The following MESP1 variants were observed in gnomAD, a reference collection of about 807,000 sequenced individuals.
MESP1 encodes the protein mesoderm posterior bHLH transcription factor 1, also known as mesoderm posterior protein 1.
Under a neutral mutation model 15.2 loss-of-function variants are expected in MESP1, and 22 were observed. The observed-to-expected ratio is 1.45, with a 90% CI of 1.04 to 2.07. The LOEUF (loss-of-function observed/expected upper bound fraction) is 2.07. MESP1 is among the 30% of genes most tolerant of loss of function. The pLI, the probability that MESP1 is intolerant of heterozygous loss-of-function variation, is 0.00. For missense variants in MESP1, 484 were observed against 411.9 expected (o/e 1.17, Z -1.51); for synonymous variants, 216 against 192.6 (o/e 1.12, Z -1.01).
the MESP1 span, among the ~76,000 whole-genome samples, chr15:89,739,227 G>A: frequency 3.7e-4 from 57 of 152,072 alleles, no homozygotes; most frequent in Non-Finnish European, 7.2e-4. Flanking sequence ...TTGTAAATAA[G>A]GTTTTATTTG....
At chr15:89,733,019 G>T in the MESP1 span, 21 of 1,614,054 alleles carry the variant, frequency 1.3e-5, no homozygotes, top group Non-Finnish European at 1.8e-5. Context: ...TCCCTCTTGG[G>T]GTCGCTGCTC....
At chr15:89,739,521 G>A in the MESP1 span, among the ~76,000 whole-genome samples, 1 of 152,136 alleles carries the variant, frequency 6.6e-6, no homozygotes, top group South Asian at 2.1e-4. Flanking sequence ...CAAAGCATAA[G>A]GAACAGTACT....
At chr15:89,732,643 C>CACT in the MESP1 span, among the ~76,000 whole-genome samples, 1 of 136,420 alleles carries the variant, frequency 7.3e-6, no homozygotes, top group African/African-American at 2.9e-5. Context: ...ACACACACAC[C>CACT]GCCTTTTCTG....
chr15:89,735,374 C>G, the MESP1 span: 1 of 1,028,078 alleles, frequency 9.7e-7, no homozygotes, highest in South Asian at 1.4e-5. Flanking sequence ...TATGAACAGC[C>G]TCCTCACATA....
At chr15:89,733,538 G>T in the MESP1 span, among the ~76,000 whole-genome samples, 14 of 152,150 alleles carry the variant, frequency 9.2e-5, no homozygotes, top group Admixed American at 9.2e-4. Context: ...CTTCCCACAT[G>T]AATGGATTAA....
chr15:89,734,739 C>G, the MESP1 span, among the ~76,000 whole-genome samples: 2 of 152,148 alleles, frequency 1.3e-5, no homozygotes, highest in Non-Finnish European at 2.9e-5. Flanking sequence ...AATCCAAGCA[C>G]TTTGGGAGGC....
rs528905038 is a variant in MESP1, at chr15:89,750,862, C to G, written c.370G>C (p.Glu124Gln). The G allele has an allele frequency of 7.7e-5, 118 of 1,528,962 alleles. 1 individual carries two copies. Among genetic ancestry groups the G allele is most frequent in the South Asian group, 5.3e-4 (44 of 83,596 alleles). 94.7% of individuals were successfully genotyped at this position (1,528,962 alleles called of 1,614,324 possible). ...TAGCGGATAGCCAGGCGCAGCGTCT[C>G]GATCTTGGTCAGGCTCTGGCCCGCG... ...APAGQSLTKI[E>Q]TLRLAIRYIG... is the part of the protein sequence containing the mutation. Residue 124 changes from glutamate (E) to glutamine (Q), a missense_variant, in exon 1 of 2, where the codon GAG becomes CAG. Coordinates refer to ENST00000300057, the MANE Select transcript of MESP1 (RefSeq NM_018670.4).
the MESP1 span, chr15:89,737,940 C>A: frequency 2.2e-6 from 3 of 1,389,746 alleles, no homozygotes; most frequent in Non-Finnish European, 2.9e-6. Context: ...GATGACCCAG[C>A]CTTTATAAGC....
At chr15:89,740,759 G>A in the MESP1 span, among the ~76,000 whole-genome samples, 3 of 152,018 alleles carry the variant, frequency 2.0e-5, no homozygotes, top group Non-Finnish European at 2.9e-5. Flanking sequence ...GCCTCGGCCT[G>A]CCAAAGTGGT....
chr15:89,749,016 A>T (rs1968028368), downstream of MESP1: 1 of 152,188 alleles, frequency 6.6e-6, no homozygotes, highest in Admixed American at 6.5e-5. Flanking sequence ...CTTGGCAGAG[A>T]GGCTACACAT....
chr15:89,734,795 G>A, the MESP1 span, among the ~76,000 whole-genome samples: 6 of 150,432 alleles, frequency 4.0e-5, no homozygotes, highest in African/African-American at 1.5e-4. Context: ...GACCAGCCTG[G>A]GTAACATAGT....
chr15:89,736,737 G>C, the MESP1 span, among the ~76,000 whole-genome samples: 2 of 151,846 alleles, frequency 1.3e-5, no homozygotes, highest in African/African-American at 4.8e-5. Flanking sequence ...AGACCCTCTT[G>C]TGTGGGGAGG....
chr15:89,740,495 T>TTTTTTG, the MESP1 span, among the ~76,000 whole-genome samples: 6 of 151,826 alleles, frequency 4.0e-5, no homozygotes, highest in Middle Eastern at 6.8e-3. Flanking sequence ...AGGGTTTTTG[T>TTTTTTG]TTTTTGTTTT....
chr15:89,747,661 G>A (rs377761068), downstream of MESP1, among the ~76,000 whole-genome samples: 5 of 152,234 alleles, frequency 3.3e-5, no homozygotes, highest in East Asian at 5.8e-4. Flanking sequence ...CCGAAGCGAA[G>A]GCAGCACACC....
chr15:89,750,480 GA>G, intron 1 of MESP1, 28 bp downstream of exon 1: 1 of 1,485,818 alleles, frequency 6.7e-7, no homozygotes. Context: ...GGGCACGGAC[GA>G]AGGGGGCGCG....
At chr15:89,743,356 T>A in the MESP1 span, 2 of 1,614,002 alleles carry the variant, frequency 1.2e-6, no homozygotes, top group African/African-American at 2.7e-5. Context: ...TCAGAGGTAC[T>A]CCTTGTCGCT....
chr15:89,737,763 C>A, the MESP1 span: 13 of 1,612,670 alleles, frequency 8.1e-6, no homozygotes, highest in Admixed American at 2.2e-4. Flanking sequence ...TGCCCACTGA[C>A]CATTTCCCTG....
At chr15:89,747,950 G>T (rs1968003482), downstream of MESP1, among the ~76,000 whole-genome samples, 1 of 152,208 alleles carries the variant, frequency 6.6e-6, no homozygotes. Context: ...GGTTGGGGAT[G>T]CTGGAGCAGT....
chr15:89,743,188 T>TA, the MESP1 span: 2 of 1,129,420 alleles, frequency 1.8e-6, no homozygotes, highest in Non-Finnish European at 2.7e-6. Flanking sequence ...TGTGTCCTCT[T>TA]AGAGTTTCTC....
Sources: allele counts gnomAD v4.1 joint callset (sites outside exome capture counted in the v4.1 genomes callset), GRCh38; gene constraint gnomAD v4.1.1; transcripts MANE v1.5; gene names NCBI Gene and HGNC (gene_info 2026-07-23, HGNC 2026-07-21).